SRPK2: variants seen among roughly 807,000 people sequenced by gnomAD.
The protein encoded by SRPK2 is SRSF protein kinase 2, also known as SFRS protein kinase 2.
A neutral mutation model predicts 90.8 loss-of-function variants in SRPK2; 21 were observed. The ratio of observed to expected loss-of-function variants is 0.23; its 90% CI spans 0.16 to 0.33. SRPK2 has a LOEUF of 0.33. Ranked by LOEUF, SRPK2 falls within the 10% of genes least tolerant of loss-of-function variation. SRPK2 has a pLI of 1.00. For synonymous variants in SRPK2, 288 were observed against 311.1 expected (o/e 0.93, Z 0.78); for missense variants, 620 against 869.0 (o/e 0.71, Z 3.60).
intron 8 of SRPK2, 72 bp from the exon 9 acceptor site, chr7:105,145,380 T>C: frequency 3.6e-6 from 4 of 1,117,128 alleles, no homozygotes; most frequent in Non-Finnish European, 5.2e-6. Flanking sequence ...TCATTCGAAT[T>C]GCAAAGTGAA....
upstream of SRPK2, among the ~76,000 whole-genome samples, chr7:105,392,002 C>T (rs1462351549): frequency 6.6e-6 from 1 of 152,146 alleles, no homozygotes; most frequent in African/African-American, 2.4e-5. Flanking sequence ...TATACATACA[C>T]TGGAATATTT....
chr7:105,197,750 C>A (rs1221923615), intron 3 of SRPK2, among the ~76,000 whole-genome samples: 1 of 152,094 alleles, frequency 6.6e-6, no homozygotes, highest in Admixed American at 6.5e-5. Flanking sequence ...AGGAAAGGGT[C>A]TGATTAGAGG....
intron 3 of SRPK2, among the ~76,000 whole-genome samples, chr7:105,181,178 A>T (rs1162130359): frequency 6.6e-6 from 1 of 152,218 alleles, no homozygotes; most frequent in Admixed American, 6.5e-5. Flanking sequence ...ACACCATCTC[A>T]CACCAGTCAG....
At chr7:105,178,122 T>A (rs1270139395) in intron 3 of SRPK2, among the ~76,000 whole-genome samples, 2 of 151,522 alleles carry the variant, frequency 1.3e-5, no homozygotes, top group Admixed American at 1.3e-4. Flanking sequence ...GTAGGTGATA[T>A]CAATAAAAAT....
chr7:105,388,285 G>T (rs916646450), intron 2 of SRPK2, among the ~76,000 whole-genome samples: 1 of 151,554 alleles, frequency 6.6e-6, no homozygotes, highest in Non-Finnish European at 1.5e-5. Context: ...AGCGGCAGAC[G>T]CCGGGGCCCC....
intron 3 of SRPK2, among the ~76,000 whole-genome samples, chr7:105,183,661 G>T (rs559287842): frequency 6.6e-6 from 1 of 150,980 alleles, no homozygotes; most frequent in African/African-American, 2.4e-5. Flanking sequence ...TAATTTTTTT[G>T]TATTTTTAGT....
intron 2 of SRPK2, among the ~76,000 whole-genome samples, chr7:105,258,665 A>G (rs1803732499): frequency 6.6e-6 from 1 of 152,200 alleles, no homozygotes; most frequent in Admixed American, 6.5e-5. Flanking sequence ...ATCCAGCAGC[A>G]CATCAAAAAG....
At chr7:105,247,028 G>C (rs1160177541) in intron 2 of SRPK2, among the ~76,000 whole-genome samples, 1 of 152,134 alleles carries the variant, frequency 6.6e-6, no homozygotes, top group Non-Finnish European at 1.5e-5. Flanking sequence ...CCTCCTAAGG[G>C]CATTCACATT....
chr7:105,395,683 T>A (rs1822302816), intron 1 of SRPK2, among the ~76,000 whole-genome samples: 1 of 151,990 alleles, frequency 6.6e-6, no homozygotes, highest in South Asian at 2.1e-4. Flanking sequence ...TGAGCCGAGA[T>A]TGCACCACTG....
intron 11 of SRPK2, among the ~76,000 whole-genome samples, chr7:105,139,700 A>C (rs1005440863): frequency 6.6e-6 from 1 of 152,122 alleles, no homozygotes; most frequent in African/African-American, 2.4e-5. Context: ...TCAATGGGAA[A>C]TTTTTCAATA....
chr7:105,376,163 T>C (rs113725174), intron 2 of SRPK2, among the ~76,000 whole-genome samples: 1,913 of 151,574 alleles, frequency 0.013, 15 homozygotes, highest in Non-Finnish European at 0.02. Context: ...CCCAGCAAAT[T>C]TTTTGTATTT....
At chr7:105,181,409 C>T (rs962207651) in intron 3 of SRPK2, among the ~76,000 whole-genome samples, 1 of 152,168 alleles carries the variant, frequency 6.6e-6, no homozygotes, top group African/African-American at 2.4e-5. Flanking sequence ...TAAAGACACA[C>T]GCACGCACGT....
In SRPK2 at chr7:105,348,068, C is replaced by CTTTTT. The variant is rs770159031; in HGVS notation, c.71+40575_71+40579dup. ...AATGAGAATATGGCTGCTTGGCAAA[C>CTTTTT]TTTTTTTTTTTTTTTTTTTTTTTTT... On this transcript the variant is annotated intron_variant, in intron 2 of 15. Transcript: ENST00000393651. Among the ~76,000 whole-genome samples the CTTTTT allele has an allele frequency of 2.2e-3, 178 of 81,006 alleles. 2 individuals are homozygous for CTTTTT. The highest frequency in any genetic ancestry group is 2.8e-3 in the Non-Finnish European group (125 of 45,292). 53.1% of individuals were successfully genotyped at this position (81,006 alleles called of 152,430 possible). A position where few individuals can be genotyped will look rare whatever the true frequency, so the allele number is the denominator to read the frequency against.
chr7:105,266,567 A>G (rs1805107322), intron 2 of SRPK2, among the ~76,000 whole-genome samples: 1 of 152,164 alleles, frequency 6.6e-6, no homozygotes, highest in South Asian at 2.1e-4. Context: ...TTCTACCAGT[A>G]GACAGATGGG....
At chr7:105,378,438 CA>C (rs1351452268) in intron 2 of SRPK2, among the ~76,000 whole-genome samples, 2 of 152,042 alleles carry the variant, frequency 1.3e-5, no homozygotes, top group East Asian at 3.9e-4. Flanking sequence ...AGGCGCTTCA[CA>C]AAACAGGAAA....
chr7:105,312,391 G>GATC (rs1811805322), intron 2 of SRPK2, among the ~76,000 whole-genome samples: 1 of 129,300 alleles, frequency 7.7e-6, no homozygotes, highest in African/African-American at 2.9e-5. Context: ...GGTGAGCCGA[G>GATC]ATCATGCCAC....
Position 105,147,996 on chromosome 7 carries a change from C to T in SRPK2, c.622-1338G>A, listed in dbSNP as rs185123173. On this transcript the variant is annotated intron_variant, in intron 7 of 15. Transcript: ENST00000393651. ...GTGTATACATTTTTGTGTGAACATA[C>T]TTTTTTTGAGGGGAGGTATATACCT... 1.2e-3 allele frequency among the ~76,000 whole-genome samples: 190 copies of T among 152,126 alleles called. 1 individual carries two copies. The highest frequency in any genetic ancestry group is 4.4e-3 in the African/African-American group (181 of 41,490).
At chr7:105,194,416 T>A (rs952826946) in intron 3 of SRPK2, among the ~76,000 whole-genome samples, 3 of 152,126 alleles carry the variant, frequency 2.0e-5, no homozygotes, top group African/African-American at 7.2e-5. Flanking sequence ...AAACCTCCAT[T>A]TGCCCTGAAA....
intron 2 of SRPK2, among the ~76,000 whole-genome samples, chr7:105,255,596 C>T (rs1803160166): frequency 6.6e-6 from 1 of 152,114 alleles, no homozygotes; most frequent in Admixed American, 6.5e-5. Flanking sequence ...ATAGTGGGTA[C>T]ATAAATATTT....
Sources: gnomAD v4.1 joint callset for allele counts (sites outside exome capture counted in the v4.1 genomes callset) on GRCh38, gnomAD v4.1.1 for gene constraint, MANE v1.5 for transcripts, NCBI Gene and HGNC (gene_info 2026-07-23, HGNC 2026-07-21) for gene names.